Variants in ZNF786 observed in about 807,000 individuals in gnomAD.
ZNF786 encodes the protein zinc finger protein 786.
A neutral mutation model predicts 63.1 loss-of-function variants in ZNF786; 56 were observed. The ratio of observed to expected loss-of-function variants is 0.89; its 90% CI spans 0.72 to 1.11. The LOEUF (loss-of-function observed/expected upper bound fraction) is 1.11, where lower values mean the gene tolerates loss of function less well. Among genes scored for constraint, ZNF786 ranks in the 50% least tolerant of loss-of-function variants. The pLI is 0.00. For synonymous variants in ZNF786, 485 were observed against 406.9 expected (o/e 1.19, Z -2.31); for missense variants, 1,213 against 1,041.8 (o/e 1.16, Z -2.26).
In ZNF786 at chr7:149,071,306, C is replaced by T. The variant is rs557442434; in HGVS notation, c.1466G>A (p.Ser489Asn). The change falls in exon 4 of 4, where the codon AGC becomes AAC. Residue 489 changes from serine to asparagine, a missense_variant. Physicochemically the swap from Ser to Asn is conservative, Grantham distance 46 (BLOSUM62 1). Transcript: ENST00000491431. Reference protein sequence around the residue: ...KPFQCPECGLSFRLESMLRAH... With the variant: ...KPFQCPECGLNFRLESMLRAH... Reference sequence around the variant, plus strand: ...TCTCAGCATGCTCTCCAGGCGGAAGCTCAGCCCACACTCTGGGCACTGAAA... The same window carrying T: ...TCTCAGCATGCTCTCCAGGCGGAAGTTCAGCCCACACTCTGGGCACTGAAA... The T allele has an allele frequency of 2.5e-6, 4 of 1,613,248 alleles. No individual in the cohort carries two copies. The highest frequency in any genetic ancestry group is 1.7e-5 in the Admixed American group (1 of 59,994).
chr7:149,070,816 C>G lies in ZNF786; in HGVS notation c.1956G>C (p.Glu652Asp), dbSNP rs1156382879. ...LHSGEMPFSC[E>D]CGKGFVKHSK... ...AGTGTTTCACAAAGCCCTTGCCGCA[C>G]TCACAGGAGAAAGGCATCTCCCCGC... The change falls in exon 4 of 4, where the codon GAG becomes GAC. Residue 652 changes from glutamate to aspartate, a missense_variant. Coordinates refer to ENST00000491431, the MANE Select transcript of ZNF786 (RefSeq NM_152411.4). The G allele has an allele frequency of 1.9e-6, 3 of 1,613,746 alleles. No homozygotes were observed. The highest frequency in any genetic ancestry group is 2.5e-6 in the Non-Finnish European group (3 of 1,179,942).
chr7:149,088,336 A>G (rs1825770386), intron 1 of ZNF786, among the ~76,000 whole-genome samples: 1 of 152,142 alleles, frequency 6.6e-6, no homozygotes, highest in South Asian at 2.1e-4. Flanking sequence ...TTTTAAGGCA[A>G]TTGAGATAAT....
In ZNF786 at chr7:149,085,548, C is replaced by T. The variant is rs557438929; in HGVS notation, c.19-4831G>A. Reference sequence around the variant, plus strand: ...GCCAGGCTGGTCTCGAACTCCTGGCCTCATGATCTGCCCGCCTTGGCCTCC... The same window carrying T: ...GCCAGGCTGGTCTCGAACTCCTGGCTTCATGATCTGCCCGCCTTGGCCTCC... On this transcript the variant is annotated intron_variant, in intron 1 of 3. Coordinates refer to ENST00000491431, the MANE Select transcript of ZNF786 (RefSeq NM_152411.4). Among the ~76,000 whole-genome samples, 26 of 152,314 alleles carry T rather than the reference C, an allele frequency of 1.7e-4. 1 individual carries two copies. In the East Asian group the frequency reaches 2.3e-3, roughly 14 times the overall value.
rs754610071 is a variant in ZNF786 at position 149,090,573 on chromosome 7, G to T, written c.18+50C>A. The T allele has an allele frequency of 2.6e-6, 4 of 1,535,610 alleles. No homozygotes were observed. In the East Asian group the frequency reaches 9.9e-5, roughly 38 times the overall value. ...GACACGGGCGAGCCCGGAACCCGAGGACCCACCACGACCCCGAAACCGGGC... is the reference window on the plus strand; with the variant it reads ...GACACGGGCGAGCCCGGAACCCGAGTACCCACCACGACCCCGAAACCGGGC... On this transcript the variant is annotated intron_variant, in intron 1 of 3. Transcript: ENST00000491431.
In ZNF786 at chr7:149,074,433, G is replaced by A. The variant is rs755437968; in HGVS notation, c.251C>T (p.Ser84Phe). Residue 84 changes from serine (S) to phenylalanine (F), a missense_variant, in exon 3 of 4, where the codon TCT (serine) becomes TTT (phenylalanine). Coordinates refer to ENST00000491431, the MANE Select transcript of ZNF786 (RefSeq NM_152411.4). Reference protein sequence around the residue: ...SQKSGNIICSSVDMHFDPGFE... With the variant: ...SQKSGNIICSFVDMHFDPGFE... ...ACCTGGATCAAAATGCATATCAACAGAGGAGCAAATTATGTTTCCTGATTT... is the reference window on the plus strand; with the variant it reads ...ACCTGGATCAAAATGCATATCAACAAAGGAGCAAATTATGTTTCCTGATTT... 4.3e-6 allele frequency: 7 copies of A among 1,613,858 alleles called. No individual in the cohort carries two copies. Among genetic ancestry groups the A allele is most frequent in the South Asian group, 1.1e-5 (1 of 91,072 alleles).
At position 149,072,199 on chromosome 7, in the gene ZNF786, G is replaced by A. The variant is rs773373940; in HGVS notation, c.573C>T (p.Val191=). Residue 191 remains valine, a synonymous_variant, in exon 4 of 4, where the codon GTC becomes GTT. Coordinates refer to ENST00000491431, the MANE Select transcript of ZNF786 (RefSeq NM_152411.4). ...AWESTQHPWP[V]CGESCWENNH... is the part of the protein sequence containing the mutation. ...TGTTCTCCCAACAGCTTTCCCCGCA[G>A]ACAGGCCAAGGGTGCTGGGTGCTCT... 3 of 1,613,568 alleles carry A rather than the reference G, an allele frequency of 1.9e-6. No homozygotes were observed. The highest frequency in any genetic ancestry group is 2.5e-6 in the Non-Finnish European group (3 of 1,179,810).
intron 1 of ZNF786, among the ~76,000 whole-genome samples, chr7:149,087,048 G>C (rs892011844): frequency 6.6e-6 from 1 of 152,054 alleles, no homozygotes; most frequent in African/African-American, 2.4e-5. Context: ...TCACCTTGTT[G>C]GTCAGGCTGG....
At chr7:149,077,899 G>A (rs1825586163) in intron 2 of ZNF786, among the ~76,000 whole-genome samples, 1 of 144,812 alleles carries the variant, frequency 6.9e-6, no homozygotes, top group Non-Finnish European at 1.5e-5. Context: ...AAGTCTCACT[G>A]TTGCCCAGGT....
rs749078961 is a variant in ZNF786 at position 149,080,722 on chromosome 7, A to G, written c.19-5T>C. 5.6e-6 allele frequency: 9 copies of G among 1,600,478 alleles called. No homozygotes were observed. The highest frequency in any genetic ancestry group is 1.3e-5 in the African/African-American group (1 of 74,266). On this transcript the variant is annotated splice_polypyrimidine_tract_variant and splice_region_variant and intron_variant, in intron 1 of 3. Coordinates refer to ENST00000491431, the MANE Select transcript of ZNF786 (RefSeq NM_152411.4). Reference sequence around the variant, plus strand: ...ATCCTCAAAAGTCAGAGGTAGCTGAAATTGTAGACATAAGACATATGCATT... The same window carrying G: ...ATCCTCAAAAGTCAGAGGTAGCTGAGATTGTAGACATAAGACATATGCATT...
At position 149,072,100 on chromosome 7, in the gene ZNF786, C is replaced by G. The variant is rs770974288; in HGVS notation, c.672G>C (p.Arg224Ser). The change falls in exon 4 of 4, where the codon AGG (arginine) becomes AGC (serine). Residue 224 changes from arginine to serine, a missense_variant. Physicochemically the swap from Arg to Ser is moderately radical, Grantham distance 110. Transcript: ENST00000491431. The stretch of plus-strand genomic sequence containing the variant: ...TGCTCCACGGCATCTGCGTCTCCGC[C>G]CTCTTGTTGAATTTCTCCCAGGCCC... ...TRRAWEKFNK[R>S]AETQMPWSSP... 4 of 1,613,252 alleles carry G rather than the reference C, an allele frequency of 2.5e-6. No individual in the cohort carries two copies. Among genetic ancestry groups the G allele is most frequent in the Non-Finnish European group, 3.4e-6 (4 of 1,179,700 alleles).
At chr7:149,089,409 A>C (rs1327618506) in intron 1 of ZNF786, among the ~76,000 whole-genome samples, 1 of 150,600 alleles carries the variant, frequency 6.6e-6, no homozygotes, top group Non-Finnish European at 1.5e-5. Flanking sequence ...CCACCTCCCG[A>C]GTTCAAGCAA....
rs566946062 is a variant in ZNF786, at chr7:149,072,112, T to C, written c.660A>G (p.Lys220=). ...TCTGCGTCTCCGCCCTCTTGTTGAA[T>C]TTCTCCCAGGCCCTACGTGTCCGGT... The part of the protein sequence containing the change: ...SKDRTRRAWE[K]FNKRAETQMP... Residue 220 remains lysine (K), a synonymous_variant, in exon 4 of 4, where the codon AAA becomes AAG. Transcript: ENST00000491431. 1 of 1,613,158 alleles carries C rather than the reference T, an allele frequency of 6.2e-7. No individual in the cohort carries two copies. Among genetic ancestry groups the C allele is most frequent in the African/African-American group, 1.3e-5 (1 of 74,938 alleles).
chr7:149,075,002 G>T (rs373346499), intron 2 of ZNF786, among the ~76,000 whole-genome samples: 1 of 151,606 alleles, frequency 6.6e-6, no homozygotes, highest in Non-Finnish European at 1.5e-5. Flanking sequence ...GCTAATTTTC[G>T]CATTTTTAGT....
Position 149,070,385 on chromosome 7 carries a change from A to G in ZNF786, c.*38T>C. ...CTGTTGCTGTGGATTCCTGGGCAAT[A>G]CCAATCCTGCTCAACGCTTTGGATG... On this transcript the variant is annotated 3_prime_UTR_variant, in exon 4 of 4. Coordinates refer to ENST00000491431, the MANE Select transcript of ZNF786 (RefSeq NM_152411.4). 1 of 1,597,132 alleles carries G rather than the reference A, an allele frequency of 6.3e-7. No homozygotes were observed. Among genetic ancestry groups the G allele is most frequent in the Non-Finnish European group, 8.5e-7 (1 of 1,169,964 alleles).
At chr7:149,074,684 A>C (rs887581447) in intron 2 of ZNF786, 146 bp from the exon 3 acceptor site, 253 of 904,986 alleles carry the variant, frequency 2.8e-4, no homozygotes, top group Non-Finnish European at 3.1e-4. Flanking sequence ...AGATGAAAAA[A>C]CCGCCTACAC....
At chr7:149,081,731 A>T (rs981482190) in intron 1 of ZNF786, among the ~76,000 whole-genome samples, 1 of 152,186 alleles carries the variant, frequency 6.6e-6, no homozygotes, top group African/African-American at 2.4e-5. Context: ...AATTTACATT[A>T]TAAGGCTGGA....
chr7:149,072,212 T>G lies in ZNF786; in HGVS notation c.560A>C (p.His187Pro). Residue 187 changes from histidine to proline, a missense_variant, in exon 4 of 4, where the codon CAC becomes CCC. Physicochemically the swap from His to Pro is moderately conservative, Grantham distance 77 (BLOSUM62 -2). Coordinates refer to ENST00000491431, the MANE Select transcript of ZNF786 (RefSeq NM_152411.4). ...WDVPAWESTQ[H>P]PWPVCGESCW... ...GCTTTCCCCGCAGACAGGCCAAGGG[T>G]GCTGGGTGCTCTCCCAGGCGGGGAC... 1 of 1,613,502 alleles carries G rather than the reference T, an allele frequency of 6.2e-7. No homozygotes were observed. Among genetic ancestry groups the G allele is most frequent in the Non-Finnish European group, 8.5e-7 (1 of 1,179,762 alleles).
rs774872049 is a variant in ZNF786, at chr7:149,072,096, C to G, written c.676G>C (p.Glu226Gln). The change falls in exon 4 of 4, where the codon GAG (glutamate) becomes CAG (glutamine). Residue 226 changes from glutamate (E) to glutamine (Q), a missense_variant. By Grantham distance (29) the Glu-to-Gln change is conservative. Coordinates refer to ENST00000491431, the MANE Select transcript of ZNF786 (RefSeq NM_152411.4). ...RAWEKFNKRA[E>Q]TQMPWSSPRV... ...GGGCTGCTCCACGGCATCTGCGTCT[C>G]CGCCCTCTTGTTGAATTTCTCCCAG... The G allele has an allele frequency of 6.2e-6, 10 of 1,613,208 alleles. No individual in the cohort carries two copies. Among genetic ancestry groups the G allele is most frequent in the South Asian group, 1.1e-5 (1 of 90,974 alleles).
At chr7:149,074,327 A>C (rs1413377669) in intron 3 of ZNF786, 59 bp downstream of exon 3, 1 of 1,588,018 alleles carries the variant, frequency 6.3e-7, no homozygotes, top group Non-Finnish European at 8.6e-7. Context: ...AGATCAGAGA[A>C]GAGAAACAAA....
Sources: gnomAD v4.1 joint callset for allele counts (sites outside exome capture counted in the v4.1 genomes callset) on GRCh38, gnomAD v4.1.1 for gene constraint, MANE v1.5 for transcripts, NCBI Gene and HGNC (gene_info 2026-07-23, HGNC 2026-07-21) for gene names.